The following TMEFF2 variants were observed in gnomAD, a reference collection of about 807,000 sequenced individuals.
The protein encoded by TMEFF2 is transmembrane protein with EGF like and two follistatin like domains 2, also known as tomoregulin-2.
Under a neutral mutation model 53.8 loss-of-function variants are expected in TMEFF2, and 28 were observed. The ratio of observed to expected loss-of-function variants is 0.52; its 90% CI spans 0.39 to 0.71. TMEFF2 has a LOEUF of 0.71. Ranked by LOEUF, TMEFF2 falls within the 30% of genes least tolerant of loss-of-function variation. The pLI is 0.00. For missense variants in TMEFF2, 353 were observed against 455.2 expected (o/e 0.78, Z 2.04); for synonymous variants, 162 against 166.3 (o/e 0.97, Z 0.20).
At chr2:192,032,507 T>C (rs1687165293) in intron 5 of TMEFF2, 1 of 152,244 alleles carries the variant, frequency 6.6e-6, no homozygotes, top group East Asian at 1.9e-4. Context: ...TGTGTTATTA[T>C]GTTGGGAAAG....
chr2:192,079,887 C>T (rs988622291), intron 4 of TMEFF2, among the ~76,000 whole-genome samples: 1 of 152,114 alleles, frequency 6.6e-6, no homozygotes, highest in Non-Finnish European at 1.5e-5. Flanking sequence ...TACCATGATA[C>T]ATGATAAGTA....
At chr2:192,089,763 A>G (rs1168724449) in intron 4 of TMEFF2, among the ~76,000 whole-genome samples, 1 of 152,132 alleles carries the variant, frequency 6.6e-6, no homozygotes, top group African/African-American at 2.4e-5. Flanking sequence ...TTGTTTTCTC[A>G]TCTGTAAAAT....
intron 2 of TMEFF2, among the ~76,000 whole-genome samples, chr2:192,187,612 G>C (rs1691346291): frequency 6.6e-6 from 1 of 152,184 alleles, no homozygotes; most frequent in Non-Finnish European, 1.5e-5. Flanking sequence ...TGCCTGGTAA[G>C]AGGAAAAACA....
At chr2:192,007,184 G>C (rs1686518693) in intron 5 of TMEFF2, among the ~76,000 whole-genome samples, 1 of 151,986 alleles carries the variant, frequency 6.6e-6, no homozygotes, top group Non-Finnish European at 1.5e-5. Flanking sequence ...GCTTTAAAAG[G>C]CTTTATTCAT....
intron 7 of TMEFF2, among the ~76,000 whole-genome samples, chr2:191,970,347 G>A (rs533820897): frequency 6.6e-6 from 1 of 152,008 alleles, no homozygotes; most frequent in South Asian, 2.1e-4. Flanking sequence ...ACCTCAGAAT[G>A]TAATCTTATT....
chr2:191,982,817 A>AATT (rs1380452624), intron 7 of TMEFF2, among the ~76,000 whole-genome samples: 1 of 151,722 alleles, frequency 6.6e-6, no homozygotes, highest in African/African-American at 2.4e-5. Flanking sequence ...TTGACTCCTT[A>AATT]ATTTTAAAAG....
chr2:192,167,302 C>T (rs1377764268), intron 4 of TMEFF2, among the ~76,000 whole-genome samples: 1 of 152,062 alleles, frequency 6.6e-6, no homozygotes, highest in African/African-American at 2.4e-5. Context: ...AAATCTCTGC[C>T]TGGAACACAT....
chr2:192,038,228 C>T (rs1687380172), intron 5 of TMEFF2, among the ~76,000 whole-genome samples: 1 of 152,124 alleles, frequency 6.6e-6, no homozygotes, highest in African/African-American at 2.4e-5. Flanking sequence ...AGAGTACGAC[C>T]TCTGGGTTCA....
intron 7 of TMEFF2, among the ~76,000 whole-genome samples, chr2:191,958,090 C>A (rs1056190998): frequency 7.2e-5 from 11 of 152,146 alleles, no homozygotes; most frequent in African/African-American, 2.4e-4. Context: ...GGAAGCGGGG[C>A]AGTTCATGAA....
At chr2:192,188,697 C>T (rs554897976) in intron 2 of TMEFF2, among the ~76,000 whole-genome samples, 2 of 152,238 alleles carry the variant, frequency 1.3e-5, no homozygotes, top group African/African-American at 4.8e-5. Context: ...CATAAGGCTT[C>T]ATCATATTTT....
intron 4 of TMEFF2, among the ~76,000 whole-genome samples, chr2:192,135,799 C>G (rs975226413): frequency 6.6e-6 from 1 of 151,926 alleles, no homozygotes; most frequent in Non-Finnish European, 1.5e-5. Context: ...CCCGCCTTAA[C>G]TGATGACACT....
chr2:191,965,595 A>G (rs1171778574), intron 7 of TMEFF2, among the ~76,000 whole-genome samples: 2 of 152,208 alleles, frequency 1.3e-5, no homozygotes, highest in Admixed American at 1.3e-4. Flanking sequence ...AAATGCTAAC[A>G]GTACTCAGAA....
chr2:192,101,348 C>A (rs958562039), intron 4 of TMEFF2, among the ~76,000 whole-genome samples: 2 of 151,708 alleles, frequency 1.3e-5, no homozygotes, highest in South Asian at 2.1e-4. Context: ...GAATATATAG[C>A]CAAAAATGGA....
intron 4 of TMEFF2, among the ~76,000 whole-genome samples, chr2:192,115,798 C>T (rs910805196): frequency 2.6e-5 from 4 of 151,912 alleles, no homozygotes; most frequent in Non-Finnish European, 4.4e-5. Context: ...TATCACCTCA[C>T]GTCTGCTGGG....
intron 4 of TMEFF2, among the ~76,000 whole-genome samples, chr2:192,135,294 G>A (rs1689972434): frequency 6.6e-6 from 1 of 152,056 alleles, no homozygotes; most frequent in Non-Finnish European, 1.5e-5. Context: ...AATAATCTTT[G>A]CTGGCAGGAC....
intron 7 of TMEFF2, among the ~76,000 whole-genome samples, chr2:191,995,896 A>C (rs1230904927): frequency 6.6e-6 from 1 of 151,948 alleles, no homozygotes; most frequent in Non-Finnish European, 1.5e-5. Context: ...TTTTCTTTAG[A>C]GTTTGCAGGA....
At chr2:192,001,594 T>C (rs1385408529) in intron 5 of TMEFF2, among the ~76,000 whole-genome samples, 3 of 152,148 alleles carry the variant, frequency 2.0e-5, no homozygotes, top group Admixed American at 2.0e-4. Flanking sequence ...GCTCCCATAA[T>C]TCCTATGTGT....
At chr2:192,128,769 G>A (rs753625181) in intron 4 of TMEFF2, among the ~76,000 whole-genome samples, 41 of 152,130 alleles carry the variant, frequency 2.7e-4, no homozygotes, top group Non-Finnish European at 4.0e-4. Flanking sequence ...ACAACATAAC[G>A]AAAACCTTGA....
intron 4 of TMEFF2, among the ~76,000 whole-genome samples, chr2:192,134,995 G>C (rs1475916644): frequency 6.6e-6 from 1 of 152,130 alleles, no homozygotes; most frequent in African/African-American, 2.4e-5. Flanking sequence ...AGTCAGACCT[G>C]TCCTCAGAAT....
Sources: allele counts gnomAD v4.1 joint callset (sites outside exome capture counted in the v4.1 genomes callset), GRCh38; gene constraint gnomAD v4.1.1; transcripts MANE v1.5; gene names NCBI Gene and HGNC (gene_info 2026-07-23, HGNC 2026-07-21).